The following KAT14 variants were observed in gnomAD, a reference collection of about 807,000 sequenced individuals.
KAT14 encodes the protein cysteine-rich protein 2-binding protein.
In KAT14, 66 loss-of-function variants were observed where a neutral mutation model predicts 78.4. The observed-to-expected ratio is 0.84, with a 90% CI of 0.69 to 1.03. The LOEUF is 1.03. KAT14 is among the 50% of genes least tolerant of loss of function. The probability of loss-of-function intolerance (pLI) is 0.00; values close to 1 mark genes in which losing one functional copy is unlikely to be tolerated. For synonymous variants in KAT14, 344 were observed against 359.4 expected (o/e 0.96, Z 0.48); for missense variants, 870 against 972.5 (o/e 0.89, Z 1.40).
At chr20:18,155,963 A>G (rs1253896295) in intron 4 of KAT14, among the ~76,000 whole-genome samples, 1 of 152,234 alleles carries the variant, frequency 6.6e-6, no homozygotes, top group Non-Finnish European at 1.5e-5. Flanking sequence ...ATTATTCACA[A>G]TAACTGAGAT....
rs41276418 is a variant in KAT14, at chr20:18,162,773, C to G, written c.1496C>G (p.Ala499Gly). The G allele has an allele frequency of 3.1e-6, 5 of 1,613,996 alleles. No homozygotes were observed. The Admixed American group carries it at 8.3e-5, about 27-fold the overall frequency. The change falls in exon 7 of 11, where the codon GCG becomes GGG. Residue 499 changes from alanine to glycine, a missense_variant. Transcript: ENST00000688188. ...RLKRKLIVRQ[A>G]KRDRGLPLFD... The stretch of plus-strand genomic sequence containing the variant: ...AAACGCAAACTGATTGTCAGACAAG[C>G]GAAAAGGGATAGGGGATTACCACTT...
In KAT14 at chr20:18,143,422, C is replaced by A. The variant is rs533399821; in HGVS notation, c.259+503C>A. ...CCTTTTTTTCTGCTGGCAAGAGATA[C>A]CTCATACACACTCCCTGATTGCCTC... On this transcript the variant is annotated intron_variant, in intron 2 of 10. Transcript: ENST00000688188. 2.0e-5 allele frequency among the ~76,000 whole-genome samples: 3 copies of A among 151,680 alleles called. No individual in the cohort carries two copies. The East Asian group carries it at 5.8e-4, about 29-fold the overall frequency.
At chr20:18,159,913 CTTGT>C (rs1278554752) in intron 5 of KAT14, among the ~76,000 whole-genome samples, 2 of 151,968 alleles carry the variant, frequency 1.3e-5, no homozygotes, top group African/African-American at 2.4e-5. Context: ...TATTTGTTTG[CTTGT>C]TTGTTTATTT....
In KAT14 at chr20:18,150,950, G is replaced by A. The variant is rs1361726141; in HGVS notation, c.500+8G>A. 3 of 1,613,166 alleles carry A rather than the reference G, an allele frequency of 1.9e-6. No homozygotes were observed. The highest frequency in any genetic ancestry group is 2.2e-5 in the East Asian group (1 of 44,862). ...TTTTTTACTAGGGAATAGGTAATGT[G>A]TTTTTAAAAAATCTTATACTTCAAG... On this transcript the variant is annotated splice_region_variant and intron_variant, in intron 4 of 10. Transcript: ENST00000688188.
intron 7 of KAT14, among the ~76,000 whole-genome samples, chr20:18,166,431 G>A (rs564199766): frequency 2.6e-5 from 4 of 152,354 alleles, no homozygotes; most frequent in South Asian, 2.1e-4. Flanking sequence ...GGGCTGGAAC[G>A]TGCCTGTGAG....
intron 8 of KAT14, 57 bp from the exon 9 acceptor site, chr20:18,183,066 G>C: frequency 7.1e-6 from 11 of 1,555,548 alleles, no homozygotes; most frequent in Non-Finnish European, 9.6e-6. Flanking sequence ...AAAAAGCTAG[G>C]AATAATACCA....
Position 18,187,503 on chromosome 20 carries a change from A to C in KAT14, c.*44A>C. 6.2e-7 allele frequency: 1 copy of C among 1,610,664 alleles called. No individual in the cohort carries two copies. Among genetic ancestry groups the C allele is most frequent in the Non-Finnish European group, 8.5e-7 (1 of 1,179,092 alleles). On this transcript the variant is annotated 3_prime_UTR_variant, in exon 11 of 11. Coordinates refer to ENST00000688188, the MANE Select transcript of KAT14 (RefSeq NM_001392073.1). The stretch of plus-strand genomic sequence containing the variant: ...AGAAACGCATGTGCTATTGGAGAAC[A>C]GGTCTTTGTGGAGATCTAAAGGCAG...
intron 8 of KAT14, 95 bp from the exon 9 acceptor site, chr20:18,183,028 C>A (rs2039317821): frequency 2.7e-6 from 4 of 1,482,294 alleles, no homozygotes; most frequent in South Asian, 1.4e-5. Flanking sequence ...TTTAAAGTTT[C>A]AAGCAGATCA....
chr20:18,139,633 CGTGTGTGTGTGTGTGTGTGTGTGT>C (rs71194228), intron 1 of KAT14, among the ~76,000 whole-genome samples: 5 of 141,634 alleles, frequency 3.5e-5, no homozygotes, highest in African/African-American at 7.6e-5. Context: ...ACCAAAATAA[CGTGTGTGTGTGTGTGTGTGTGTGT>C]GTGTGTGTGT....
At chr20:18,181,879 G>C in intron 8 of KAT14, 33 bp downstream of exon 8, 1 of 1,610,666 alleles carries the variant, frequency 6.2e-7, no homozygotes, top group Non-Finnish European at 8.5e-7. Flanking sequence ...GATGTCAGGT[G>C]TGTCATGAGG....
rs1422745802 is a variant in KAT14, at chr20:18,162,774, G to A, written c.1497G>A (p.Ala499=). ...AACGCAAACTGATTGTCAGACAAGC[G>A]AAAAGGGATAGGGGATTACCACTTT... ...RLKRKLIVRQ[A]KRDRGLPLFD... The change falls in exon 7 of 11, where the codon GCG becomes GCA. Residue 499 remains alanine (A), a synonymous_variant. Coordinates refer to ENST00000688188, the MANE Select transcript of KAT14 (RefSeq NM_001392073.1). 1.9e-6 allele frequency: 3 copies of A among 1,614,198 alleles called. No individual in the cohort carries two copies. The highest frequency in any genetic ancestry group is 1.1e-5 in the South Asian group (1 of 91,084).
At chr20:18,176,165 G>T (rs1475159136) in intron 7 of KAT14, among the ~76,000 whole-genome samples, 1 of 152,056 alleles carries the variant, frequency 6.6e-6, no homozygotes, top group East Asian at 1.9e-4. Flanking sequence ...AGCCAGGCAT[G>T]CTGGCGCGTG....
intron 7 of KAT14, among the ~76,000 whole-genome samples, chr20:18,179,939 G>C (rs866114624): frequency 3.3e-5 from 5 of 151,940 alleles, no homozygotes; most frequent in Middle Eastern, 3.2e-3. Context: ...TGCGATCTTG[G>C]CTCACTACAA....
In KAT14 at chr20:18,142,268, C is replaced by T. The variant is rs117280420; in HGVS notation, c.-393C>T. 1.1e-4 allele frequency: 172 copies of T among 1,537,078 alleles called. No homozygotes were observed. The highest frequency in any genetic ancestry group is 1.4e-4 in the Non-Finnish European group (159 of 1,146,856). ...GCAAATTCGGAAAAAAGAAAACATTCGTCTTTTGGGAGAACAGATTATTTT... is the reference window on the plus strand; with the variant it reads ...GCAAATTCGGAAAAAAGAAAACATTTGTCTTTTGGGAGAACAGATTATTTT... On this transcript the variant is annotated 5_prime_UTR_variant, in exon 2 of 11. Coordinates refer to ENST00000688188, the MANE Select transcript of KAT14 (RefSeq NM_001392073.1).
chr20:18,169,619 C>G (rs1427742653), intron 7 of KAT14, among the ~76,000 whole-genome samples: 1 of 152,168 alleles, frequency 6.6e-6, no homozygotes, highest in African/African-American at 2.4e-5. Flanking sequence ...CCTTGGGGCT[C>G]CCTGTTCCCT....
intron 3 of KAT14, among the ~76,000 whole-genome samples, chr20:18,146,457 C>T (rs1348349360): frequency 6.6e-6 from 1 of 151,796 alleles, no homozygotes; most frequent in Non-Finnish European, 1.5e-5. Context: ...GTCGGGAGTT[C>T]GAGACCAGCC....
chr20:18,139,521 T>G (rs1416825486), intron 1 of KAT14, among the ~76,000 whole-genome samples: 1 of 152,144 alleles, frequency 6.6e-6, no homozygotes, highest in Non-Finnish European at 1.5e-5. Context: ...GGGGACCTGG[T>G]TCAACAATGT....
chr20:18,156,206 C>T (rs894869531), intron 4 of KAT14, among the ~76,000 whole-genome samples: 3 of 152,064 alleles, frequency 2.0e-5, no homozygotes, highest in East Asian at 1.9e-4. Flanking sequence ...AGATACAGAA[C>T]GTAGAATGGT....
Position 18,182,125 on chromosome 20 carries a change from TA to T in KAT14, c.1805+280del, listed in dbSNP as rs942199748. On this transcript the variant is annotated intron_variant, in intron 8 of 10. Coordinates refer to ENST00000688188, the MANE Select transcript of KAT14 (RefSeq NM_001392073.1). ...TCATAATCATTGTTTTATTTATTAT[TA>T]TTATTTTTTTTTTGAGACAGACTCT... Among the ~76,000 whole-genome samples, 30 of 146,446 alleles carry T rather than the reference TA, an allele frequency of 2.0e-4. 1 individual carries two copies. The South Asian group carries it at 2.5e-3, about 12-fold the overall frequency.
Sources: gnomAD v4.1 joint callset for allele counts (sites outside exome capture counted in the v4.1 genomes callset) on GRCh38, gnomAD v4.1.1 for gene constraint, MANE v1.5 for transcripts, NCBI Gene and HGNC (gene_info 2026-07-23, HGNC 2026-07-21) for gene names.